The following DUSP10 variants were observed in gnomAD, a reference collection of about 807,000 sequenced individuals.
DUSP10 encodes the protein dual specificity phosphatase 10.
DUSP10 carries 14 observed loss-of-function variants against 30.8 expected under a neutral mutation model. The observed-to-expected ratio is 0.46, with a 90% CI of 0.30 to 0.71. The LOEUF (loss-of-function observed/expected upper bound fraction) is 0.71. Among genes scored for constraint, DUSP10 ranks in the 30% least tolerant of loss-of-function variants. DUSP10 has a pLI of 0.08. For missense variants in DUSP10, 550 were observed against 619.4 expected (o/e 0.89, Z 1.19); for synonymous variants, 254 against 250.4 (o/e 1.01, Z -0.14).
intron 2 of DUSP10, among the ~76,000 whole-genome samples, chr1:221,736,445 G>A (rs943888859): frequency 6.6e-6 from 1 of 152,176 alleles, no homozygotes; most frequent in African/African-American, 2.4e-5. Flanking sequence ...CACTCTTGCT[G>A]AAACACAATC....
rs901020543 is a variant in DUSP10 at position 221,702,983 on chromosome 1, C to A, written c.1184-306G>T. The stretch of plus-strand genomic sequence containing the variant: ...GTGACAGCAGTGGCCGGAAGCCAGA[C>A]CTATAACACAGTTAACTTTCACGTT... On this transcript the variant is annotated intron_variant, in intron 3 of 3. Transcript: ENST00000366899. This position sits in a 1 kb window ranked among gnomAD's most constrained non-coding sequence, Gnocchi z 4.5. Among the ~76,000 whole-genome samples, 5 of 152,042 alleles carry A rather than the reference C, an allele frequency of 3.3e-5. No homozygotes were observed. Among genetic ancestry groups the A allele is most frequent in the African/African-American group, 4.8e-5 (2 of 41,366 alleles).
chr1:221,728,804 A>C (rs962660756), intron 2 of DUSP10, among the ~76,000 whole-genome samples: 1 of 152,204 alleles, frequency 6.6e-6, no homozygotes, highest in African/African-American at 2.4e-5. Context: ...TTTTTACCTA[A>C]CTTTGTACTT....
intron 2 of DUSP10, among the ~76,000 whole-genome samples, chr1:221,724,343 ATT>A (rs5781248): frequency 6.6e-6 from 1 of 151,334 alleles, no homozygotes; most frequent in East Asian, 1.9e-4. Flanking sequence ...AATAACAAGC[ATT>A]TTTTTTTTCT....
chr1:221,718,764 A>T (rs1018710462), intron 2 of DUSP10, among the ~76,000 whole-genome samples: 3 of 152,256 alleles, frequency 2.0e-5, no homozygotes, highest in African/African-American at 7.2e-5. Flanking sequence ...TTAGACCCCA[A>T]ATTAAACACA....
intron 2 of DUSP10, among the ~76,000 whole-genome samples, chr1:221,707,657 T>C (rs930266886): frequency 6.6e-6 from 1 of 152,210 alleles, no homozygotes; most frequent in African/African-American, 2.4e-5. Context: ...ACTACAATGT[T>C]ATCTGTTTTA....
intron 2 of DUSP10, among the ~76,000 whole-genome samples, chr1:221,735,800 A>C (rs1365883262): frequency 1.3e-5 from 2 of 152,206 alleles, no homozygotes; most frequent in Non-Finnish European, 2.9e-5. Context: ...AGCCTGAAAA[A>C]CTTTATAGCA....
chr1:221,740,156 C>G (rs148075358), intron 1 of DUSP10, among the ~76,000 whole-genome samples: 43 of 152,178 alleles, frequency 2.8e-4, no homozygotes, highest in Non-Finnish European at 5.1e-4. Context: ...CCTCAGCTCT[C>G]GGGCAGAAGT....
chr1:221,706,620 A>G lies in DUSP10; in HGVS notation c.812-154T>C, dbSNP rs547694841. On this transcript the variant is annotated intron_variant, in intron 2 of 3. Transcript: ENST00000366899. This position sits in a 1 kb window ranked among gnomAD's most constrained non-coding sequence, Gnocchi z 4.6. ...AAGCAAAAAAAATAAAAATAAAAAT[A>G]AAACAAAACAAAACAAAAACTAAAA... Among the ~76,000 whole-genome samples the G allele has an allele frequency of 2.0e-5, 3 of 152,282 alleles. No individual in the cohort carries two copies. The highest frequency in any genetic ancestry group is 1.9e-4 in the East Asian group (1 of 5,182).
intron 2 of DUSP10, among the ~76,000 whole-genome samples, chr1:221,731,158 A>T (rs1661578974): frequency 6.6e-6 from 1 of 152,238 alleles, no homozygotes. Flanking sequence ...GAGGGATTCA[A>T]ATCTTCCTCG....
In DUSP10 at chr1:221,718,629, T is replaced by G. The variant is rs1317753973; in HGVS notation, c.812-12163A>C. Reference sequence around the variant, plus strand: ...ATTCTTGCCTTTCAGTGCAGAAGTTTAAATAATGAAGCATTGCTAAACAAA... The same window carrying G: ...ATTCTTGCCTTTCAGTGCAGAAGTTGAAATAATGAAGCATTGCTAAACAAA... On this transcript the variant is annotated intron_variant, in intron 2 of 3. Coordinates refer to ENST00000366899, the MANE Select transcript of DUSP10 (RefSeq NM_007207.6). Among the ~76,000 whole-genome samples, 3 of 152,188 alleles carry G rather than the reference T, an allele frequency of 2.0e-5. No individual in the cohort carries two copies. In the South Asian group the frequency reaches 6.2e-4, roughly 31 times the overall value.
intron 1 of DUSP10, among the ~76,000 whole-genome samples, chr1:221,740,821 C>A (rs1661932046): frequency 6.6e-6 from 1 of 152,228 alleles, no homozygotes. Flanking sequence ...GGATCTATCT[C>A]TGATTTCAGA....
chr1:221,739,843 G>T, intron 1 of DUSP10, 56 bp from the exon 2 acceptor site: 2 of 1,453,308 alleles, frequency 1.4e-6, no homozygotes, highest in Admixed American at 5.4e-5. Flanking sequence ...ACAAAAGGCA[G>T]TCTCATCCAA....
In DUSP10 at chr1:221,736,782, A is replaced by G. The variant is rs895463226; in HGVS notation, c.811+2152T>C. 2.2e-5 allele frequency: 22 copies of G among 982,134 alleles called. No homozygotes were observed. The African/African-American group carries it at 3.7e-4, about 16-fold the overall frequency. The allele number at this position is 982,134 out of a possible 1,614,324, so 60.8% of individuals were successfully genotyped here. On this transcript the variant is annotated intron_variant, in intron 2 of 3. Transcript: ENST00000366899. ...AGACCCCTTCACTCCTGAACTACAT[A>G]TTTTCAATGAAATTCCCAGATATTT...
intron 2 of DUSP10, among the ~76,000 whole-genome samples, chr1:221,734,344 A>G (rs934203767): frequency 1.3e-5 from 2 of 152,238 alleles, no homozygotes; most frequent in African/African-American, 4.8e-5. Context: ...CTCCAACTCT[A>G]TGCAACTTAA....
chr1:221,728,503 G>A (rs1661489019), intron 2 of DUSP10, among the ~76,000 whole-genome samples: 1 of 152,152 alleles, frequency 6.6e-6, no homozygotes, highest in South Asian at 2.1e-4. Context: ...TTAGACTGTA[G>A]AAGGGAAGAA....
At chr1:221,723,297 G>T (rs1046743499) in intron 2 of DUSP10, among the ~76,000 whole-genome samples, 1 of 152,206 alleles carries the variant, frequency 6.6e-6, no homozygotes, top group Non-Finnish European at 1.5e-5. Flanking sequence ...AATGCAAATG[G>T]CCATTGTCAC....
intron 2 of DUSP10, chr1:221,711,603 G>C (rs1474780372): frequency 1.3e-5 from 2 of 152,190 alleles, no homozygotes; most frequent in Admixed American, 1.3e-4. Context: ...GAGCCAGATT[G>C]CTTGAGTTAA....
At chr1:221,726,401 A>G (rs1448632874) in intron 2 of DUSP10, among the ~76,000 whole-genome samples, 2 of 152,232 alleles carry the variant, frequency 1.3e-5, no homozygotes, top group African/African-American at 4.8e-5. Flanking sequence ...TTACAGCATT[A>G]AAGAAGAAAA....
rs1258907087 is a variant in DUSP10 at position 221,739,538 on chromosome 1, G to A, written c.207C>T (p.Arg69=). 1.2e-6 allele frequency: 2 copies of A among 1,614,214 alleles called. No individual in the cohort carries two copies. The highest frequency in any genetic ancestry group is 1.1e-5 in the South Asian group (1 of 91,086). ...CACTGCTGCATCCACAATTCAGCGA[G>A]CGGGCAGAGCCGCTGGATGAGGGCA... is the stretch of plus-strand genomic sequence containing the variant. The part of the protein sequence containing the change: ...TYMPSSSGSA[R]SLNCGCSSAS... The change falls in exon 2 of 4, where the codon CGC becomes CGT. Residue 69 remains arginine, a synonymous_variant. Coordinates refer to ENST00000366899, the MANE Select transcript of DUSP10 (RefSeq NM_007207.6).
Sources: allele counts gnomAD v4.1 joint callset (sites outside exome capture counted in the v4.1 genomes callset), GRCh38; gene constraint gnomAD v4.1.1; non-coding constraint Gnocchi (gnomAD v3.1); transcripts MANE v1.5; gene names NCBI Gene and HGNC (gene_info 2026-07-23, HGNC 2026-07-21).